C16orf89: variants seen among roughly 807,000 people sequenced by gnomAD.
The protein encoded by C16orf89 is chromosome 16 open reading frame 89.
Under a neutral mutation model 41.5 loss-of-function variants are expected in C16orf89, and 57 were observed. The ratio of observed to expected loss-of-function variants is 1.38; its 90% CI spans 1.11 to 1.71. The LOEUF is 1.71. C16orf89 is among the 40% of genes most tolerant of loss of function. The pLI, the probability that C16orf89 is intolerant of heterozygous loss-of-function variation, is 0.00. For missense variants in C16orf89, 575 were observed against 445.9 expected (o/e 1.29, Z -2.61); for synonymous variants, 223 against 190.6 (o/e 1.17, Z -1.40).
chr16:5,063,060 C>T (rs547937143), intron 1 of C16orf89, among the ~76,000 whole-genome samples: 2 of 152,216 alleles, frequency 1.3e-5, no homozygotes, highest in East Asian at 3.9e-4. Flanking sequence ...TTTTCTAATT[C>T]CCACAGAGGT....
downstream of C16orf89, chr16:5,042,889 C>T (rs943380253): frequency 3.3e-5 from 5 of 152,226 alleles, no homozygotes; most frequent in South Asian, 2.1e-4. This position sits in a 1 kb window ranked among gnomAD's most constrained non-coding sequence, Gnocchi z 4.2. Flanking sequence ...ACCAGAGAAC[C>T]GATGACAAGG....
intron 1 of C16orf89, 146 bp downstream of exon 1, chr16:5,065,555 G>T: frequency 1.0e-6 from 1 of 966,458 alleles, no homozygotes; most frequent in Non-Finnish European, 1.5e-6. Context: ...GGAAGATCCA[G>T]CCCCTGGCCT....
At chr16:5,044,570 C>A in intron 7 of C16orf89, 92 bp from the exon 8 acceptor site, 1 of 1,552,540 alleles carries the variant, frequency 6.4e-7, no homozygotes, top group Non-Finnish European at 8.7e-7. Flanking sequence ...CAGCCAGACG[C>A]GGTGGCTCAC....
intron 2 of C16orf89, among the ~76,000 whole-genome samples, chr16:5,061,897 C>T (rs1956634477): frequency 6.6e-6 from 1 of 152,050 alleles, no homozygotes; most frequent in African/African-American, 2.4e-5. Flanking sequence ...TAGATGGGAC[C>T]TTTTGCAGGG....
At chr16:5,062,259 C>T (rs1450596339) in intron 2 of C16orf89, among the ~76,000 whole-genome samples, 166 bp downstream of exon 2, 4 of 152,112 alleles carry the variant, frequency 2.6e-5, no homozygotes, top group Admixed American at 6.5e-5. Flanking sequence ...CAAGGATGAC[C>T]GCACGTCCCC....
intron 7 of C16orf89, among the ~76,000 whole-genome samples, chr16:5,045,629 A>G (rs1277860665): frequency 1.3e-5 from 2 of 152,158 alleles, no homozygotes; most frequent in African/African-American, 2.4e-5. Flanking sequence ...CTGTATGCCA[A>G]ATACAATGGG....
chr16:5,055,938 CGTGTGTGTGTGTGT>C (rs531301214), intron 5 of C16orf89, 101 bp downstream of exon 5: 28,433 of 904,860 alleles, frequency 0.031, 370 homozygotes, highest in African/African-American at 0.093. Context: ...CTGGCAACTC[CGTGTGTGTGTGTGT>C]GTGTGTGTGT....
At position 5,065,717 on chromosome 16, in the gene C16orf89, C is replaced by A; in HGVS notation, c.192G>T (p.Gly64=). The A allele has an allele frequency of 6.2e-7, 1 of 1,613,574 alleles. No homozygotes were observed. Residue 64 remains glycine, a synonymous_variant, in exon 1 of 8, where the codon GGG becomes GGT. Coordinates refer to ENST00000472572, the MANE Select transcript of C16orf89 (RefSeq NM_001098514.3). ...CTCACTCACCTTCCAGCACTCGGACCCCCACCATGCCATCCAGGTTGATTT... is the reference window on the plus strand; with the variant it reads ...CTCACTCACCTTCCAGCACTCGGACACCCACCATGCCATCCAGGTTGATTT... ...LPEINLDGMV[G]VRVLEEQLKS...
intron 7 of C16orf89, among the ~76,000 whole-genome samples, chr16:5,046,112 T>A (rs1956291431): frequency 6.6e-6 from 1 of 152,088 alleles, no homozygotes; most frequent in Non-Finnish European, 1.5e-5. Flanking sequence ...GGAACTTCTC[T>A]CCCTTCTCCT....
At chr16:5,063,541 C>T (rs1306957544) in intron 1 of C16orf89, among the ~76,000 whole-genome samples, 1 of 152,188 alleles carries the variant, frequency 6.6e-6, no homozygotes, top group Non-Finnish European at 1.5e-5. Context: ...TAAGCTGCAT[C>T]TGTAATTTAC....
rs554281604 is a variant in C16orf89, at chr16:5,044,290, G to C, written c.*58C>G. On this transcript the variant is annotated 3_prime_UTR_variant, in exon 8 of 8. Coordinates refer to ENST00000472572, the MANE Select transcript of C16orf89 (RefSeq NM_001098514.3). ...TGATCCGTGCCCTCCAGGATCTAAG[G>C]GATGAGGACTAAAGGGGTCTGTTCC... is the stretch of plus-strand genomic sequence containing the variant. The C allele has an allele frequency of 9.2e-6, 14 of 1,513,694 alleles. No individual in the cohort carries two copies. In the South Asian group the frequency reaches 1.9e-4, roughly 20 times the overall value. 93.8% of individuals were successfully genotyped at this position (1,513,694 alleles called of 1,614,324 possible). A position where few individuals can be genotyped will look rare whatever the true frequency, so the allele number is the denominator to read the frequency against.
rs1040792253 is a variant in C16orf89, at chr16:5,065,734, G to C, written c.175C>G (p.Leu59Val). 6.2e-7 allele frequency: 1 copy of C among 1,614,058 alleles called. No individual in the cohort carries two copies. The highest frequency in any genetic ancestry group is 8.5e-7 in the Non-Finnish European group (1 of 1,179,902). Residue 59 changes from leucine (L) to valine (V), a missense_variant, in exon 1 of 8, where the codon CTG (leucine) becomes GTG (valine). Physicochemically the swap from Leu to Val is conservative, Grantham distance 32. Coordinates refer to ENST00000472572, the MANE Select transcript of C16orf89 (RefSeq NM_001098514.3). Reference sequence around the variant, plus strand: ...ACTCGGACCCCCACCATGCCATCCAGGTTGATTTCAGGCAGCCTCTGTTCT... The same window carrying C: ...ACTCGGACCCCCACCATGCCATCCACGTTGATTTCAGGCAGCCTCTGTTCT... The part of the protein sequence containing the change: ...FLEQRLPEIN[L>V]DGMVGVRVLE...
intron 4 of C16orf89, among the ~76,000 whole-genome samples, chr16:5,056,617 C>T (rs1180150536): frequency 1.3e-5 from 2 of 151,918 alleles, no homozygotes; most frequent in South Asian, 2.1e-4. Context: ...CGGGCAGCTT[C>T]AGTGCTACTC....
chr16:5,046,846 C>T (rs930166249), intron 7 of C16orf89, among the ~76,000 whole-genome samples: 2 of 152,100 alleles, frequency 1.3e-5, no homozygotes, highest in Admixed American at 6.6e-5. Context: ...ACTGACCATA[C>T]AGTTTATTGT....
At position 5,056,069 on chromosome 16, in the gene C16orf89, G is replaced by A. The variant is rs777859745; in HGVS notation, c.747C>T (p.Asp249=). The stretch of plus-strand genomic sequence containing the variant: ...TGGCCATACTGTTTTCCATGAAGAT[G>A]TCCCGGGTAGGGTAGGCGTATCCGA... ...EAIGYAYPTR[D]IFMENIMFCG... Residue 249 remains aspartate (D), a synonymous_variant, in exon 5 of 8, where the codon GAC becomes GAT. Transcript: ENST00000472572. 4.4e-6 allele frequency: 7 copies of A among 1,594,720 alleles called. No individual in the cohort carries two copies. The highest frequency in any genetic ancestry group is 2.2e-5 in the South Asian group (2 of 90,586).
At chr16:5,051,154 G>A (rs1284024648) in intron 6 of C16orf89, among the ~76,000 whole-genome samples, 2 of 152,158 alleles carry the variant, frequency 1.3e-5, no homozygotes, top group African/African-American at 2.4e-5. Flanking sequence ...ACACAAGAGT[G>A]CCTAATTTCA....
At chr16:5,044,060 A>G (rs1956247007), downstream of C16orf89, 1 of 1,015,694 alleles carries the variant, frequency 9.8e-7, no homozygotes, top group South Asian at 4.6e-5. Flanking sequence ...TGGAGAGTTG[A>G]AACAGACCAA....
At chr16:5,043,440 C>G (rs895322867), downstream of C16orf89, 1 of 152,226 alleles carries the variant, frequency 6.6e-6, no homozygotes, top group African/African-American at 2.4e-5. Flanking sequence ...ACACAGACAG[C>G]TAGGACTTGA....
At position 5,058,487 on chromosome 16, in the gene C16orf89, A is replaced by G; in HGVS notation, c.627+6T>C. Reference sequence around the variant, plus strand: ...CTGGCACGGCGGGGGCTCCCTGGGCACTCACCATTCTGGCCCAGAGGAAGA... The same window carrying G: ...CTGGCACGGCGGGGGCTCCCTGGGCGCTCACCATTCTGGCCCAGAGGAAGA... On this transcript the variant is annotated splice_donor_region_variant and intron_variant, in intron 4 of 7. Transcript: ENST00000472572. 2 of 1,590,834 alleles carry G rather than the reference A, an allele frequency of 1.3e-6. No homozygotes were observed. Among genetic ancestry groups the G allele is most frequent in the East Asian group, 2.3e-5 (1 of 44,202 alleles).
Sources: gnomAD v4.1 joint callset for allele counts (sites outside exome capture counted in the v4.1 genomes callset) on GRCh38, gnomAD v4.1.1 for gene constraint, Gnocchi (gnomAD v3.1) non-coding constraint, MANE v1.5 for transcripts, NCBI Gene and HGNC (gene_info 2026-07-23, HGNC 2026-07-21) for gene names.